The following GSDME variants were observed in gnomAD, a reference collection of about 807,000 sequenced individuals.
GSDME encodes gasdermin E.
In GSDME, 44 loss-of-function variants were observed where a neutral mutation model predicts 47.5. That is an observed-to-expected ratio of 0.93 (90% CI 0.73 to 1.19). The LOEUF is 1.19. GSDME is among the 50% of genes most tolerant of loss of function. The pLI is 0.00. For missense variants in GSDME, 663 were observed against 604.2 expected, an observed-to-expected ratio of 1.10 and a Z score of -1.02; for synonymous variants, 258 against 252.8, an observed-to-expected ratio of 1.02 and a Z score of -0.20.
the GSDME span, among the ~76,000 whole-genome samples, chr7:24,772,022 G>A: frequency 6.4e-3 from 981 of 152,264 alleles, 15 homozygotes; most frequent in African/African-American, 0.022. The surrounding 1 kb of genome is among the most constrained non-coding windows in gnomAD (Gnocchi z 4.5). Context: ...GAGGGCTGCC[G>A]GCAGAAATAG....
At chr7:24,775,390 G>A in the GSDME span, among the ~76,000 whole-genome samples, 1 of 152,132 alleles carries the variant, frequency 6.6e-6, no homozygotes, top group African/African-American at 2.4e-5. Context: ...CGTTTAATTA[G>A]GAAGCTAAAG....
In GSDME at chr7:24,739,968, C is replaced by T. The variant is rs1193167532; in HGVS notation, c.404+4594G>A. Among the ~76,000 whole-genome samples, 1 of 151,972 alleles carries T rather than the reference C, an allele frequency of 6.6e-6. No homozygotes were observed. The highest frequency in any genetic ancestry group is 1.5e-5 in the Non-Finnish European group (1 of 68,004). Reference sequence around the variant, plus strand: ...ATTAGCCAGGTTTGGTGATGGGTGCCTGTAATCCCAGCTACTCGGGAAGCT... The same window carrying T: ...ATTAGCCAGGTTTGGTGATGGGTGCTTGTAATCCCAGCTACTCGGGAAGCT... On this transcript the variant is annotated intron_variant, in intron 3 of 9. Transcript: ENST00000645220. This position sits in a 1 kb window ranked among gnomAD's most constrained non-coding sequence, Gnocchi z 5.1.
At position 24,714,558 on chromosome 7, in the gene GSDME, G is replaced by A. The variant is rs933826972; in HGVS notation, c.697+2696C>T. On this transcript the variant is annotated intron_variant, in intron 5 of 9. Transcript: ENST00000645220. The surrounding 1 kb of genome is among the most constrained non-coding windows in gnomAD (Gnocchi z 5.0). ...TGCCTCCTAGGCCAGGATCCAGAAC[G>A]AGCCAAGGGAAGGCCGAGATATCCC... Among the ~76,000 whole-genome samples the A allele has an allele frequency of 5.3e-5, 8 of 152,126 alleles. No individual in the cohort carries two copies. The highest frequency in any genetic ancestry group is 1.0e-4 in the Non-Finnish European group (7 of 68,008).
At position 24,724,371 on chromosome 7, in the gene GSDME, G is replaced by T. The variant is rs1789897529; in HGVS notation, c.405-5153C>A. Among the ~76,000 whole-genome samples the T allele has an allele frequency of 6.6e-6, 1 of 152,130 alleles. No homozygotes were observed. Among genetic ancestry groups the T allele is most frequent in the Non-Finnish European group, 1.5e-5 (1 of 68,018 alleles). The stretch of plus-strand genomic sequence containing the variant: ...TCCCCAAGTCCAGCCAGGAGCCAAT[G>T]CCCAAAGACAGGGAAAATGGAGCAG... On this transcript the variant is annotated intron_variant, in intron 3 of 9. Coordinates refer to ENST00000645220, the MANE Select transcript of GSDME (RefSeq NM_001127453.2). The surrounding 1 kb of genome is among the most constrained non-coding windows in gnomAD (Gnocchi z 4.8).
rs1307570900 is a variant in GSDME, at chr7:24,726,966, G to T, written c.405-7748C>A. Among the ~76,000 whole-genome samples the T allele has an allele frequency of 6.6e-6, 1 of 152,054 alleles. No homozygotes were observed. The highest frequency in any genetic ancestry group is 1.5e-5 in the Non-Finnish European group (1 of 68,002). On this transcript the variant is annotated intron_variant, in intron 3 of 9. Transcript: ENST00000645220. This position sits in a 1 kb window ranked among gnomAD's most constrained non-coding sequence, Gnocchi z 5.6. ...TTATAAAACTAGAAGGGACCCAAGG[G>T]GATTATCTAGCTCTGGGCAGAAACT...
chr7:24,791,465 G>A, the GSDME span, among the ~76,000 whole-genome samples: 8 of 152,318 alleles, frequency 5.3e-5, no homozygotes, highest in Admixed American at 3.9e-4. The surrounding 1 kb of genome is among the most constrained non-coding windows in gnomAD (Gnocchi z 4.8). Context: ...ACACACTGCT[G>A]TGCCACTGTT....
In GSDME at chr7:24,709,299, C is replaced by A. The variant is rs542013159; in HGVS notation, c.862+925G>T. On this transcript the variant is annotated intron_variant, in intron 6 of 9. Transcript: ENST00000645220. ...GCAGCACGGGACTGCCTTCTGCTACCCAGTGGCTGCAGGGCCATTTTGCTG... is the reference window on the plus strand; with the variant it reads ...GCAGCACGGGACTGCCTTCTGCTACACAGTGGCTGCAGGGCCATTTTGCTG... Among the ~76,000 whole-genome samples the A allele has an allele frequency of 3.9e-5, 6 of 152,314 alleles. No individual in the cohort carries two copies. The South Asian group carries it at 1.2e-3, about 32-fold the overall frequency.
In GSDME at chr7:24,721,270, G is replaced by C. The variant is rs1425128975; in HGVS notation, c.405-2052C>G. ...ATCTATTTTACCACAATAACAAATA[G>C]ATAAGACATAGGAAAAACGGGTTCA... On this transcript the variant is annotated intron_variant, in intron 3 of 9. Transcript: ENST00000645220. This position sits in a 1 kb window ranked among gnomAD's most constrained non-coding sequence, Gnocchi z 4.1. Among the ~76,000 whole-genome samples the C allele has an allele frequency of 1.3e-5, 2 of 152,164 alleles. No homozygotes were observed. Among genetic ancestry groups the C allele is most frequent in the African/African-American group, 4.8e-5 (2 of 41,432 alleles).
At chr7:24,713,862 T>C (rs1272469766) in intron 5 of GSDME, among the ~76,000 whole-genome samples, 4 of 151,976 alleles carry the variant, frequency 2.6e-5, no homozygotes, top group African/African-American at 9.7e-5. Flanking sequence ...GAGGCCAAGG[T>C]GGGAGGACTG....
chr7:24,747,238 A>G (rs116829765), intron 2 of GSDME, among the ~76,000 whole-genome samples: 2,644 of 152,338 alleles, frequency 0.017, 65 homozygotes, highest in African/African-American at 0.059. Context: ...GAAAGCACAC[A>G]GATTCCTGAA....
At chr7:24,760,838 G>T (rs2128070543), upstream of GSDME, among the ~76,000 whole-genome samples, 1 of 151,932 alleles carries the variant, frequency 6.6e-6, no homozygotes, top group Admixed American at 6.5e-5. The surrounding 1 kb of genome is among the most constrained non-coding windows in gnomAD (Gnocchi z 4.2). Context: ...CTTTATAGAG[G>T]GTTAAATATG....
At chr7:24,780,490 C>A in the GSDME span, among the ~76,000 whole-genome samples, 14 of 152,094 alleles carry the variant, frequency 9.2e-5, no homozygotes, top group Admixed American at 9.2e-4. The surrounding 1 kb of genome is among the most constrained non-coding windows in gnomAD (Gnocchi z 4.1). Context: ...GTTTTCTGCC[C>A]TTCTCTGTTG....
intron 6 of GSDME, 96 bp downstream of exon 6, chr7:24,710,128 C>T (rs1789287032): frequency 1.5e-6 from 2 of 1,326,008 alleles, no homozygotes; most frequent in Non-Finnish European, 2.1e-6. Context: ...CTGTGAGTCA[C>T]TGAGGGGTCA....
upstream of GSDME, among the ~76,000 whole-genome samples, chr7:24,762,749 G>C (rs756307857): frequency 6.8e-6 from 1 of 146,430 alleles, no homozygotes; most frequent in Non-Finnish European, 1.5e-5. Flanking sequence ...TAAGCTAACT[G>C]CTAAAATGAA....
intron 3 of GSDME, among the ~76,000 whole-genome samples, chr7:24,731,168 G>GCA (rs1790131797): frequency 6.6e-6 from 1 of 152,220 alleles, no homozygotes; most frequent in Non-Finnish European, 1.5e-5. Context: ...AGAATATGGT[G>GCA]AGCAGGACAA....
At chr7:24,751,743 CTCAT>C (rs1355991523) in intron 1 of GSDME, among the ~76,000 whole-genome samples, 4 of 152,186 alleles carry the variant, frequency 2.6e-5, no homozygotes, top group Non-Finnish European at 5.9e-5. Context: ...CAATGGAATA[CTCAT>C]TTATTTATTT....
intron 6 of GSDME, among the ~76,000 whole-genome samples, 190 bp downstream of exon 6, chr7:24,710,034 C>CT (rs1429334934): frequency 6.6e-6 from 1 of 152,184 alleles, no homozygotes; most frequent in Non-Finnish European, 1.5e-5. Context: ...CACCCACAAC[C>CT]TGGGGCTCCC....
Position 24,702,741 on chromosome 7 carries a change from C to T in GSDME, c.1257+19G>A, listed in dbSNP as rs768214801. 6.2e-7 allele frequency: 1 copy of T among 1,610,762 alleles called. No homozygotes were observed. The highest frequency in any genetic ancestry group is 8.5e-7 in the Non-Finnish European group (1 of 1,177,524). On this transcript the variant is annotated intron_variant, in intron 9 of 9. Transcript: ENST00000645220. The stretch of plus-strand genomic sequence containing the variant: ...CCCATTCCTATCCATTCTAAGGTCC[C>T]ACCTGGGAGGTTGCTTACCAAGTGG...
chr7:24,741,395 A>C (rs1270824113), intron 3 of GSDME, among the ~76,000 whole-genome samples: 1 of 152,276 alleles, frequency 6.6e-6, no homozygotes, highest in East Asian at 1.9e-4. Flanking sequence ...AAAAAAAAAA[A>C]GTATGTGACA....
Sources: gnomAD v4.1 joint callset for allele counts (sites outside exome capture counted in the v4.1 genomes callset) on GRCh38, gnomAD v4.1.1 for gene constraint, Gnocchi (gnomAD v3.1) non-coding constraint, MANE v1.5 for transcripts, NCBI Gene and HGNC (gene_info 2026-07-23, HGNC 2026-07-21) for gene names.